SLC24A1: variants seen among roughly 807,000 people sequenced by gnomAD.
SLC24A1 encodes the protein sodium/potassium/calcium exchanger 1.
In SLC24A1, 52 loss-of-function variants were observed where a neutral mutation model predicts 88.1. The ratio of observed to expected loss-of-function variants is 0.59; its 90% CI spans 0.47 to 0.74. The LOEUF is 0.74. Among genes scored for constraint, SLC24A1 ranks in the 30% least tolerant of loss-of-function variants. The probability of loss-of-function intolerance (pLI) is 0.00; values close to 1 mark genes in which losing one functional copy is unlikely to be tolerated. For synonymous variants in SLC24A1, 455 were observed against 498.0 expected, an observed-to-expected ratio of 0.91 and a Z score of 1.15; for missense variants, 1,173 against 1,363.3, an observed-to-expected ratio of 0.86 and a Z score of 2.20.
At chr15:65,614,157 C>T (rs2074061963) in intron 2 of SLC24A1, among the ~76,000 whole-genome samples, 1 of 152,090 alleles carries the variant, frequency 6.6e-6, no homozygotes, top group Admixed American at 6.6e-5. Flanking sequence ...CCCTGTGTGC[C>T]CTTCACCCAG....
chr15:65,634,761 AAAAG>A (rs1169649229), intron 2 of SLC24A1, among the ~76,000 whole-genome samples: 1 of 151,514 alleles, frequency 6.6e-6, no homozygotes, highest in Non-Finnish European at 1.5e-5. Context: ...AAAAAAAAGA[AAAAG>A]AAAAAGAAAA....
rs1410075831 is a variant in SLC24A1, at chr15:65,650,550, G to T, written c.2401G>T (p.Glu801Ter). The change falls in exon 7 of 10, where the codon GAA becomes TAA. Residue 801 changes from glutamate (E) to a stop codon, truncating the protein, a stop_gained. Transcript: ENST00000261892. LOFTEE classifies it high-confidence loss of function. This position sits in a 1 kb window ranked among gnomAD's most constrained non-coding sequence, Gnocchi z 4.1. ...GEECEDENEA[E>*]GKGDNEGEDE... ...AGAATGTGAAGATGAAAATGAAGCA[G>T]AAGGAAAAGGAGACAATGAAGGTGA... The T allele has an allele frequency of 1.3e-6, 2 of 1,551,902 alleles. No homozygotes were observed. The highest frequency in any genetic ancestry group is 1.7e-6 in the Non-Finnish European group (2 of 1,147,048).
chr15:65,625,538 C>CA lies in SLC24A1; in HGVS notation c.1460dup (p.Leu488AlafsTer21). 8 of 1,614,050 alleles carry CA rather than the reference C, an allele frequency of 5.0e-6. No homozygotes were observed. In the South Asian group the frequency reaches 8.8e-5, roughly 18 times the overall value. On this transcript the variant is annotated frameshift_variant, in exon 2 of 10. Transcript: ENST00000261892. LOFTEE classifies it high-confidence loss of function. ...TTCCAGCCCTGGGTGTCATCACAGA[C>CA]AAGCTGCAGATCTCCGAGGATGTGG...
intron 2 of SLC24A1, among the ~76,000 whole-genome samples, chr15:65,634,310 G>A (rs2074831320): frequency 6.6e-6 from 1 of 152,338 alleles, no homozygotes; most frequent in Middle Eastern, 3.4e-3. Flanking sequence ...ATGGAGGTCA[G>A]GAGGACAAGC....
chr15:65,657,408 A>G (rs567911771), downstream of SLC24A1, among the ~76,000 whole-genome samples: 273 of 151,944 alleles, frequency 1.8e-3, no homozygotes, highest in African/African-American at 6.3e-3. Flanking sequence ...TTGGGAGGCC[A>G]AGGTGGGCGG....
intron 4 of SLC24A1, among the ~76,000 whole-genome samples, chr15:65,640,670 A>T (rs1316768575): frequency 6.6e-6 from 1 of 152,062 alleles, no homozygotes; most frequent in African/African-American, 2.4e-5. Context: ...ACTCTGACTG[A>T]CCTTTCTGGC....
At chr15:65,612,018 A>C (rs2073970533) in intron 1 of SLC24A1, 1 of 152,254 alleles carries the variant, frequency 6.6e-6, no homozygotes, top group South Asian at 2.1e-4. Context: ...CTTTGAGGGA[A>C]GCAGAGGGCC....
chr15:65,645,742 T>A (rs1358802929), intron 6 of SLC24A1, 39 bp downstream of exon 6: 14 of 1,436,112 alleles, frequency 9.7e-6, no homozygotes, highest in Non-Finnish European at 1.2e-5. Context: ...ATTGGAGAGG[T>A]CTAGGGAAGG....
At position 65,655,425 on chromosome 15, in the gene SLC24A1, C is replaced by A. The variant is rs777291212; in HGVS notation, c.*1346C>A. On this transcript the variant is annotated 3_prime_UTR_variant, in exon 10 of 10. Coordinates refer to ENST00000261892, the MANE Select transcript of SLC24A1 (RefSeq NM_004727.3). ...ACATGGTGAGAAAAGTGCAGTACTA[C>A]TTCCAAGGTAGCTAGTGTAAAGGAC... is the stretch of plus-strand genomic sequence containing the variant. The A allele has an allele frequency of 4.5e-5, 44 of 985,262 alleles. No individual in the cohort carries two copies. Among genetic ancestry groups the A allele is most frequent in the Non-Finnish European group, 5.1e-5 (42 of 829,880 alleles). 61.0% of individuals were successfully genotyped at this position (985,262 alleles called of 1,614,324 possible).
At chr15:65,658,628 A>G (rs2075754661), downstream of SLC24A1, among the ~76,000 whole-genome samples, 1 of 152,206 alleles carries the variant, frequency 6.6e-6, no homozygotes, top group Non-Finnish European at 1.5e-5. Context: ...GAACATCCCA[A>G]ATATGAAATC....
intron 2 of SLC24A1, among the ~76,000 whole-genome samples, chr15:65,636,654 T>A (rs2074944449): frequency 6.6e-6 from 1 of 151,628 alleles, no homozygotes; most frequent in Non-Finnish European, 1.5e-5. Context: ...GGTGGGTGGA[T>A]CAACTGAGGT....
At chr15:65,623,532 T>G (rs1301101412) in intron 1 of SLC24A1, among the ~76,000 whole-genome samples, 2 of 152,240 alleles carry the variant, frequency 1.3e-5, no homozygotes, top group Non-Finnish European at 2.9e-5. Flanking sequence ...TTTTTGTCTA[T>G]AGCTTAAAGC....
chr15:65,651,652 T>C lies in SLC24A1; in HGVS notation c.2794-18T>C. Reference sequence around the variant, plus strand: ...ACCTCTACAGCTTACTTCTTGTCCTTTTCAAACTTTCAAACAGGAGTCTAG... The same window carrying C: ...ACCTCTACAGCTTACTTCTTGTCCTCTTCAAACTTTCAAACAGGAGTCTAG... On this transcript the variant is annotated intron_variant, in intron 7 of 9. Transcript: ENST00000261892. The C allele has an allele frequency of 7.1e-7, 1 of 1,409,044 alleles. No individual in the cohort carries two copies. The highest frequency in any genetic ancestry group is 1.0e-6 in the Non-Finnish European group (1 of 995,924). 87.3% of individuals were successfully genotyped at this position (1,409,044 alleles called of 1,614,324 possible). A position where few individuals can be genotyped will look rare whatever the true frequency, so the allele number is the denominator to read the frequency against.
chr15:65,650,792 G>A lies in SLC24A1; in HGVS notation c.2643G>A (p.Glu881=), dbSNP rs1365839720. 6.6e-7 allele frequency: 1 copy of A among 1,505,190 alleles called. No individual in the cohort carries two copies. The highest frequency in any genetic ancestry group is 1.9e-5 in the Admixed American group (1 of 54,010). 93.2% of individuals were successfully genotyped at this position (1,505,190 alleles called of 1,614,324 possible). A position where few individuals can be genotyped will look rare whatever the true frequency, so the allele number is the denominator to read the frequency against. ...AGGAGGAGGAAGAGCAGGAGGAAGA[G>A]GAGGAGGAGGAGGAGGAAGAGGAGG... ...EEEEEEEQEE[E]EEEEEEEEEK... Residue 881 remains glutamate, a synonymous_variant, in exon 7 of 10, where the codon GAG becomes GAA. Coordinates refer to ENST00000261892, the MANE Select transcript of SLC24A1 (RefSeq NM_004727.3). This position sits in a 1 kb window ranked among gnomAD's most constrained non-coding sequence, Gnocchi z 4.1.
chr15:65,639,575 G>GGC lies in SLC24A1; in HGVS notation c.1945-20_1945-19insGC, dbSNP rs769581509. The GGC allele has an allele frequency of 6.4e-7, 1 of 1,568,364 alleles. No homozygotes were observed. The highest frequency in any genetic ancestry group is 8.7e-7 in the Non-Finnish European group (1 of 1,150,216). On this transcript the variant is annotated intron_variant, in intron 3 of 9. Coordinates refer to ENST00000261892, the MANE Select transcript of SLC24A1 (RefSeq NM_004727.3). Reference sequence around the variant, plus strand: ...CCTGGCTTGGACAGGGGCCCACTGTGCGGCTCTCCTCTTGCTCAGCTCCCG... The same window carrying GGC: ...CCTGGCTTGGACAGGGGCCCACTGTGGCCGGCTCTCCTCTTGCTCAGCTCCCG...
chr15:65,652,867 GCT>G (rs2075552602), intron 9 of SLC24A1, 59 bp downstream of exon 9: 1 of 1,374,870 alleles, frequency 7.3e-7, no homozygotes. Context: ...CACTGCATTG[GCT>G]CTGTTCACTG....
intron 9 of SLC24A1, among the ~76,000 whole-genome samples, chr15:65,653,273 C>G (rs1008630415): frequency 6.6e-6 from 1 of 152,162 alleles, no homozygotes; most frequent in Non-Finnish European, 1.5e-5. Context: ...TTCTCCCAAC[C>G]TTGTCAGAAA....
intron 2 of SLC24A1, among the ~76,000 whole-genome samples, chr15:65,631,542 T>C (rs976986233): frequency 1.3e-5 from 2 of 152,020 alleles, no homozygotes; most frequent in East Asian, 1.9e-4. Flanking sequence ...AACCACCCCA[T>C]AGCCAGTGAC....
chr15:65,650,261 T>C lies in SLC24A1; in HGVS notation c.2233-121T>C. ...CTGCTGAATTATCGCACTAGTTTTC[T>C]CCTCATACTTAAGTTTTCAGATACC... is the stretch of plus-strand genomic sequence containing the variant. On this transcript the variant is annotated intron_variant, in intron 6 of 9. Coordinates refer to ENST00000261892, the MANE Select transcript of SLC24A1 (RefSeq NM_004727.3). The surrounding 1 kb of genome is among the most constrained non-coding windows in gnomAD (Gnocchi z 4.1). 6.8e-6 allele frequency: 5 copies of C among 731,730 alleles called. No individual in the cohort carries two copies. The highest frequency in any genetic ancestry group is 1.1e-5 in the Non-Finnish European group (5 of 443,894). 45.3% of individuals were successfully genotyped at this position (731,730 alleles called of 1,614,324 possible).
Sources: allele counts gnomAD v4.1 joint callset (sites outside exome capture counted in the v4.1 genomes callset), GRCh38; gene constraint gnomAD v4.1.1; non-coding constraint Gnocchi (gnomAD v3.1); transcripts MANE v1.5; gene names NCBI Gene and HGNC (gene_info 2026-07-23, HGNC 2026-07-21).